The following ARHGEF10L variants were observed in gnomAD, a reference collection of about 807,000 sequenced individuals.
ARHGEF10L encodes rho guanine nucleotide exchange factor 10-like protein.
ARHGEF10L carries 69 observed loss-of-function variants against 141.2 expected under a neutral mutation model. That is an observed-to-expected ratio of 0.49 (90% CI 0.40 to 0.60). ARHGEF10L has a LOEUF of 0.60. Ranked by LOEUF, ARHGEF10L falls within the 20% of genes least tolerant of loss-of-function variation. The pLI is 0.00. For missense variants in ARHGEF10L, 1,482 were observed against 1,734.3 expected, an observed-to-expected ratio of 0.85 and a Z score of 2.58; for synonymous variants, 711 against 718.5, an observed-to-expected ratio of 0.99 and a Z score of 0.17.
chr1:17,661,505 C>G (rs1232524258), intron 25 of ARHGEF10L, among the ~76,000 whole-genome samples: 2 of 152,192 alleles, frequency 1.3e-5, no homozygotes, highest in African/African-American at 4.8e-5. Flanking sequence ...GGCATTCATG[C>G]AGTCCTTAGG....
At chr1:17,633,624 T>C (rs1426983518) in intron 16 of ARHGEF10L, among the ~76,000 whole-genome samples, 1 of 152,156 alleles carries the variant, frequency 6.6e-6, no homozygotes, top group Non-Finnish European at 1.5e-5. Flanking sequence ...AGTGCTGGGA[T>C]TACAGGCGTA....
chr1:17,651,851 G>A (rs2061956164), intron 22 of ARHGEF10L, among the ~76,000 whole-genome samples: 1 of 152,138 alleles, frequency 6.6e-6, no homozygotes, highest in African/African-American at 2.4e-5. Context: ...CACTAGCTAG[G>A]CCTCAAATCG....
intron 16 of ARHGEF10L, among the ~76,000 whole-genome samples, chr1:17,633,168 G>T (rs1289181026): frequency 6.6e-6 from 1 of 152,204 alleles, no homozygotes; most frequent in Non-Finnish European, 1.5e-5. Flanking sequence ...GCCTGGCACT[G>T]GGGCTTGGGC....
rs751116113 is a variant in ARHGEF10L at position 17,656,054 on chromosome 1, C to A, written c.2657C>A (p.Pro886His). The change falls in exon 24 of 29, where the codon CCC becomes CAC. Residue 886 changes from proline to histidine, a missense_variant. By Grantham distance (77) the Pro-to-His change is moderately conservative (BLOSUM62 -2). Around this residue, in one of 3 missense-constraint regions of ARHGEF10L, gnomAD observed 858 missense variants for 966.3 expected, o/e 0.89. Coordinates refer to ENST00000361221, the MANE Select transcript of ARHGEF10L (RefSeq NM_018125.4). This position sits in a 1 kb window ranked among gnomAD's most constrained non-coding sequence, Gnocchi z 4.9. ...SRDESPTVAD[P>H]SATVHPTICL... is the part of the protein sequence containing the mutation. Reference sequence around the variant, plus strand: ...GACGAGAGCCCGACAGTTGCTGACCCCTCGGCCACGGTGCATCCAACCATC... The same window carrying A: ...GACGAGAGCCCGACAGTTGCTGACCACTCGGCCACGGTGCATCCAACCATC... 8.9e-6 allele frequency: 14 copies of A among 1,566,064 alleles called. No individual in the cohort carries two copies. Among genetic ancestry groups the A allele is most frequent in the Non-Finnish European group, 1.2e-5 (14 of 1,154,988 alleles).
At chr1:17,675,107 A>C (rs1426359196) in intron 26 of ARHGEF10L, among the ~76,000 whole-genome samples, 2 of 151,068 alleles carry the variant, frequency 1.3e-5, no homozygotes, top group Non-Finnish European at 1.5e-5. Context: ...CAACTCTCCC[A>C]CTCCCCCTCC....
At chr1:17,600,231 C>G (rs998986970) in intron 4 of ARHGEF10L, among the ~76,000 whole-genome samples, 2 of 152,190 alleles carry the variant, frequency 1.3e-5, no homozygotes, top group Non-Finnish European at 2.9e-5. Context: ...AGCAGAGATC[C>G]CTCCTCGCAG....
At chr1:17,622,718 G>A (rs908602532) in intron 11 of ARHGEF10L, among the ~76,000 whole-genome samples, 4 of 152,134 alleles carry the variant, frequency 2.6e-5, no homozygotes, top group Admixed American at 6.5e-5. Context: ...CCCTCAGGCC[G>A]GCCTCCAAGG....
In ARHGEF10L at chr1:17,621,846, G is replaced by C; in HGVS notation, c.943-18G>C. ...AGCAGGTGTCATGTGCGCTGACCGT[G>C]CTTTTTGGCCCGAGCAGGTGGTCCG... On this transcript the variant is annotated intron_variant, in intron 10 of 28. Transcript: ENST00000361221. This position sits in a 1 kb window ranked among gnomAD's most constrained non-coding sequence, Gnocchi z 4.1. 6.2e-7 allele frequency: 1 copy of C among 1,612,350 alleles called. No homozygotes were observed. Among genetic ancestry groups the C allele is most frequent in the Admixed American group, 1.7e-5 (1 of 59,990 alleles).
intron 27 of ARHGEF10L, among the ~76,000 whole-genome samples, chr1:17,693,604 C>T (rs2065257849): frequency 1.3e-5 from 2 of 152,178 alleles, no homozygotes; most frequent in Admixed American, 1.3e-4. Flanking sequence ...AACTCCACCC[C>T]ACCCTGCACT....
chr1:17,618,440 C>T (rs1230016280), intron 9 of ARHGEF10L: 2 of 1,519,378 alleles, frequency 1.3e-6, no homozygotes, highest in African/African-American at 2.8e-5. Context: ...TGATGTGGGC[C>T]CGGCAGGAGG....
chr1:17,613,995 G>C (rs2059674989), intron 8 of ARHGEF10L, among the ~76,000 whole-genome samples: 1 of 152,218 alleles, frequency 6.6e-6, no homozygotes, highest in Admixed American at 6.5e-5. Context: ...GTGGACAGTG[G>C]CTGTTGTTAT....
intron 1 of ARHGEF10L, among the ~76,000 whole-genome samples, chr1:17,575,924 G>A (rs2078203414): frequency 6.6e-6 from 1 of 152,226 alleles, no homozygotes; most frequent in Admixed American, 6.5e-5. Flanking sequence ...TGACAAGCGT[G>A]CTTGGGCCAG....
chr1:17,687,555 C>A lies in ARHGEF10L; in HGVS notation c.3010-18C>A. Reference sequence around the variant, plus strand: ...GGCAGGCCCAGCCAGTATCGACACTCCTCCCTTTGTGCCACAGCAAAGCTT... The same window carrying A: ...GGCAGGCCCAGCCAGTATCGACACTACTCCCTTTGTGCCACAGCAAAGCTT... On this transcript the variant is annotated intron_variant, in intron 26 of 28. Transcript: ENST00000361221. 1 of 1,612,302 alleles carries A rather than the reference C, an allele frequency of 6.2e-7. No homozygotes were observed. Among genetic ancestry groups the A allele is most frequent in the Non-Finnish European group, 8.5e-7 (1 of 1,179,770 alleles).
rs1279613285 is a variant in ARHGEF10L, at chr1:17,613,054, C to T, written c.610-4C>T. 1 of 1,611,586 alleles carries T rather than the reference C, an allele frequency of 6.2e-7. No individual in the cohort carries two copies. Among genetic ancestry groups the T allele is most frequent in the Non-Finnish European group, 8.5e-7 (1 of 1,178,128 alleles). On this transcript the variant is annotated splice_polypyrimidine_tract_variant and splice_region_variant and intron_variant, in intron 7 of 28. Transcript: ENST00000361221. ...TCCTTCTGCCTGGCCGCTTGGGGCT[C>T]CAGCTTTCTCCAGACCTGACTAGGC... is the stretch of plus-strand genomic sequence containing the variant.
chr1:17,533,273 A>C, the ARHGEF10L span, among the ~76,000 whole-genome samples: 5 of 152,184 alleles, frequency 3.3e-5, no homozygotes, highest in Non-Finnish European at 7.4e-5. Context: ...GAGCTAATAC[A>C]TGTGAAGTGT....
rs1279304112 is a variant in ARHGEF10L at position 17,619,124 on chromosome 1, A to G, written c.836-215A>G. ...TCACCCTCTCGCTCACTTGCTCACA[A>G]TTATTCACTGATGGAATGTTCCAGG... On this transcript the variant is annotated intron_variant, in intron 9 of 28. Transcript: ENST00000361221. The surrounding 1 kb of genome is among the most constrained non-coding windows in gnomAD (Gnocchi z 5.0). Among the ~76,000 whole-genome samples the G allele has an allele frequency of 1.3e-5, 2 of 151,980 alleles. No individual in the cohort carries two copies. The highest frequency in any genetic ancestry group is 4.2e-4 in the South Asian group (2 of 4,810).
intron 2 of ARHGEF10L, among the ~76,000 whole-genome samples, chr1:17,582,617 T>C (rs6673699): frequency 3.7e-4 from 56 of 152,366 alleles, no homozygotes; most frequent in African/African-American, 1.3e-3. Context: ...GAATCCACGC[T>C]TTAGTTGGAG....
chr1:17,562,605 A>G (rs1236356420), intron 1 of ARHGEF10L, among the ~76,000 whole-genome samples: 2 of 152,256 alleles, frequency 1.3e-5, no homozygotes, highest in African/African-American at 4.8e-5. Flanking sequence ...TTTCAGGTGA[A>G]TCATTGTCAC....
intron 7 of ARHGEF10L, among the ~76,000 whole-genome samples, chr1:17,612,583 A>C (rs926601053): frequency 6.6e-6 from 1 of 151,798 alleles, no homozygotes; most frequent in Non-Finnish European, 1.5e-5. Context: ...CTTTCTGTGG[A>C]TTTACCCACT....
Sources: allele counts gnomAD v4.1 joint callset (sites outside exome capture counted in the v4.1 genomes callset), GRCh38; gene constraint gnomAD v4.1.1; regional missense constraint gnomAD v4.1.1; non-coding constraint Gnocchi (gnomAD v3.1); transcripts MANE v1.5; gene names NCBI Gene and HGNC (gene_info 2026-07-23, HGNC 2026-07-21).